PDZRN4: variants seen among roughly 807,000 people sequenced by gnomAD.
PDZRN4 encodes the protein PDZ domain containing ring finger 4, also known as PDZ domain-containing RING finger protein 4.
A neutral mutation model predicts 99.0 loss-of-function variants in PDZRN4; 70 were observed. The observed-to-expected ratio is 0.71, with a 90% confidence interval of 0.58 to 0.86. The LOEUF (loss-of-function observed/expected upper bound fraction) is 0.86. Among genes scored for constraint, PDZRN4 ranks in the 40% least tolerant of loss-of-function variants. The pLI is 0.00. For missense variants in PDZRN4, 1,474 were observed against 1,331.2 expected, an observed-to-expected ratio of 1.11 and a Z score of -1.67; for synonymous variants, 551 against 501.6, an observed-to-expected ratio of 1.10 and a Z score of -1.32.
intron 3 of PDZRN4, chr12:41,477,784 C>A: frequency 1.3e-6 from 1 of 792,246 alleles, no homozygotes; most frequent in Non-Finnish European, 2.1e-6. Context: ...TTATGAAAAG[C>A]CCACAGGCGC....
chr12:41,367,832 AAAAC>A (rs1952012738), intron 3 of PDZRN4, among the ~76,000 whole-genome samples: 2 of 152,230 alleles, frequency 1.3e-5, no homozygotes, highest in African/African-American at 2.4e-5. Context: ...ATTGAAAACA[AAAAC>A]AAGGAAAAAA....
chr12:41,285,169 CAAAA>C (rs901486585), intron 3 of PDZRN4, among the ~76,000 whole-genome samples: 2 of 150,732 alleles, frequency 1.3e-5, no homozygotes, highest in African/African-American at 2.5e-5. Context: ...AGAAAAAAAA[CAAAA>C]AACCCCATCG....
intron 3 of PDZRN4, among the ~76,000 whole-genome samples, chr12:41,502,040 G>A (rs192782117): frequency 5.8e-4 from 88 of 152,112 alleles, no homozygotes; most frequent in Middle Eastern, 3.4e-3. Context: ...GTTTATCCTA[G>A]AATTTCTCTC....
chr12:41,503,783 CTT>C (rs1490847883), intron 3 of PDZRN4, among the ~76,000 whole-genome samples: 1 of 152,148 alleles, frequency 6.6e-6, no homozygotes, highest in East Asian at 1.9e-4. Context: ...TATTGAAACA[CTT>C]TGTGCATTAG....
chr12:41,548,629 A>G (rs950819289), intron 5 of PDZRN4, among the ~76,000 whole-genome samples: 1 of 152,204 alleles, frequency 6.6e-6, no homozygotes, highest in African/African-American at 2.4e-5. Context: ...TCTTTATGGC[A>G]TGCATGGGCC....
chr12:41,369,799 T>C (rs1346633096), intron 3 of PDZRN4, among the ~76,000 whole-genome samples: 3 of 152,008 alleles, frequency 2.0e-5, no homozygotes, highest in Admixed American at 6.6e-5. Context: ...TGAACTTAAC[T>C]ATACATCTTT....
At chr12:41,513,126 C>A (rs1474871268) in intron 5 of PDZRN4, among the ~76,000 whole-genome samples, 2 of 151,942 alleles carry the variant, frequency 1.3e-5, no homozygotes, top group Admixed American at 6.6e-5. Flanking sequence ...CCCAATAGAC[C>A]AAAACAGATC....
chr12:41,563,739 C>T (rs1939314112), intron 8 of PDZRN4, 90 bp downstream of exon 8: 1 of 829,938 alleles, frequency 1.2e-6, no homozygotes, highest in Non-Finnish European at 2.0e-6. Flanking sequence ...TATTCATTAT[C>T]TGCTATTCTC....
intron 3 of PDZRN4, among the ~76,000 whole-genome samples, chr12:41,434,152 T>A (rs1436775239): frequency 6.6e-6 from 1 of 152,228 alleles, no homozygotes; most frequent in African/African-American, 2.4e-5. Flanking sequence ...ATCTGTAGAC[T>A]TCCTCTTCGT....
intron 3 of PDZRN4, among the ~76,000 whole-genome samples, chr12:41,288,755 A>G (rs1951437384): frequency 6.6e-6 from 1 of 152,136 alleles, no homozygotes; most frequent in African/African-American, 2.4e-5. Context: ...ATTTATTTCA[A>G]ATGGTAGCAA....
chr12:41,290,605 T>A (rs1255192150), intron 3 of PDZRN4, among the ~76,000 whole-genome samples: 1 of 152,144 alleles, frequency 6.6e-6, no homozygotes, highest in Non-Finnish European at 1.5e-5. Flanking sequence ...AAGAAAGATC[T>A]AGAAAAATAC....
chr12:41,503,735 G>A (rs1453819301), intron 3 of PDZRN4, among the ~76,000 whole-genome samples: 2 of 151,972 alleles, frequency 1.3e-5, no homozygotes, highest in African/African-American at 2.4e-5. Context: ...CTTGTCTTGG[G>A]GAAAAAATAG....
rs541286579 is a variant in PDZRN4 at position 41,551,217 on chromosome 12, G to C, written c.1204-1439G>C. On this transcript the variant is annotated intron_variant, in intron 5 of 9. Coordinates refer to ENST00000402685, the MANE Select transcript of PDZRN4 (RefSeq NM_001164595.2). ...TTCTCACTGTGTCTGTCCTTACATGGTGGAAGAGGCAAGATAGCTCTCTGG... is the reference window on the plus strand; with the variant it reads ...TTCTCACTGTGTCTGTCCTTACATGCTGGAAGAGGCAAGATAGCTCTCTGG... Among the ~76,000 whole-genome samples the C allele has an allele frequency of 5.3e-5, 8 of 152,180 alleles. 1 individual carries two copies. In the South Asian group the frequency reaches 1.7e-3, roughly 32 times the overall value.
intron 3 of PDZRN4, among the ~76,000 whole-genome samples, chr12:41,381,818 A>T (rs1024531858): frequency 5.3e-5 from 8 of 152,136 alleles, no homozygotes; most frequent in Admixed American, 2.6e-4. Flanking sequence ...GTATGCGTAC[A>T]TTTGAGGAAA....
chr12:41,282,079 A>G (rs1951389383), intron 3 of PDZRN4, among the ~76,000 whole-genome samples: 1 of 152,200 alleles, frequency 6.6e-6, no homozygotes, highest in Admixed American at 6.5e-5. Context: ...AAGACTGGCA[A>G]ATTCGATGAA....
At chr12:41,443,328 G>A (rs1011508380) in intron 3 of PDZRN4, among the ~76,000 whole-genome samples, 6 of 152,030 alleles carry the variant, frequency 3.9e-5, no homozygotes, top group African/African-American at 1.4e-4. Flanking sequence ...TGATGAAAGG[G>A]TTTTTAAAAA....
chr12:41,474,367 T>C (rs1366355625), intron 3 of PDZRN4, among the ~76,000 whole-genome samples: 1 of 152,244 alleles, frequency 6.6e-6, no homozygotes, highest in African/African-American at 2.4e-5. Flanking sequence ...GCATTTATTA[T>C]ACAACAGGCT....
intron 3 of PDZRN4, among the ~76,000 whole-genome samples, chr12:41,448,530 T>C (rs1460717600): frequency 6.6e-6 from 1 of 152,144 alleles, no homozygotes; most frequent in African/African-American, 2.4e-5. Flanking sequence ...GCTGCGCCTA[T>C]GCAGTTCTAC....
rs1259465262 is a variant in PDZRN4, at chr12:41,251,059, T to A, written c.843+56871T>A. On this transcript the variant is annotated intron_variant, in intron 3 of 9. Transcript: ENST00000402685. ...TGTTTTACCTCCTGTTAGAATTCTT[T>A]GAAAAACTGCTTCAAGATCTCGATC... Among the ~76,000 whole-genome samples the A allele has an allele frequency of 2.0e-5, 3 of 152,298 alleles. No individual in the cohort carries two copies. In the East Asian group the frequency reaches 5.8e-4, roughly 29 times the overall value.
Sources: allele counts gnomAD v4.1 joint callset (sites outside exome capture counted in the v4.1 genomes callset), GRCh38; gene constraint gnomAD v4.1.1; transcripts MANE v1.5; gene names NCBI Gene and HGNC (gene_info 2026-07-23, HGNC 2026-07-21).